The following VOPP1 variants were observed in gnomAD, a reference collection of about 807,000 sequenced individuals.
VOPP1 encodes the protein WW domain binding protein VOPP1.
Under a neutral mutation model 23.5 loss-of-function variants are expected in VOPP1, and 8 were observed. The ratio of observed to expected loss-of-function variants is 0.34; its 90% CI spans 0.20 to 0.61. The LOEUF is 0.61. Among genes scored for constraint, VOPP1 ranks in the 20% least tolerant of loss-of-function variants. VOPP1 has a pLI of 0.78. For synonymous variants in VOPP1, 83 were observed against 97.3 expected, an observed-to-expected ratio of 0.85 and a Z score of 0.86; for missense variants, 174 against 238.1, an observed-to-expected ratio of 0.73 and a Z score of 1.77.
At chr7:55,450,197 G>C (rs980350528) in intron 4 of VOPP1, among the ~76,000 whole-genome samples, 1 of 152,114 alleles carries the variant, frequency 6.6e-6, no homozygotes, top group Non-Finnish European at 1.5e-5. Context: ...GGCACATTTC[G>C]GGCAGGAGAC....
intron 2 of VOPP1, among the ~76,000 whole-genome samples, chr7:55,511,578 G>A (rs1795073892): frequency 6.6e-6 from 1 of 152,152 alleles, no homozygotes; most frequent in South Asian, 2.1e-4. Flanking sequence ...ACTCCTCAGG[G>A]CAAACCTGCC....
At chr7:55,556,408 A>ATT (rs1356067132) in intron 1 of VOPP1, among the ~76,000 whole-genome samples, 7 of 152,176 alleles carry the variant, frequency 4.6e-5, no homozygotes, top group African/African-American at 1.7e-4. Context: ...CCAAATTTCC[A>ATT]CATTCTATTT....
intron 1 of VOPP1, among the ~76,000 whole-genome samples, chr7:55,528,304 A>C (rs1332671151): frequency 6.6e-6 from 1 of 152,246 alleles, no homozygotes; most frequent in Non-Finnish European, 1.5e-5. Context: ...AATACTGACA[A>C]CTAATTATGT....
At chr7:55,562,187 C>T in intron 1 of VOPP1, 1 of 668,104 alleles carries the variant, frequency 1.5e-6, no homozygotes, top group Admixed American at 2.1e-5. Flanking sequence ...AAGGGCGCTC[C>T]TCCATACTGC....
intron 2 of VOPP1, among the ~76,000 whole-genome samples, chr7:55,501,907 G>GT (rs1263695446): frequency 1.3e-5 from 2 of 152,168 alleles, no homozygotes; most frequent in Non-Finnish European, 2.9e-5. Context: ...ACTCCAGACT[G>GT]TAACAGCTCT....
intron 1 of VOPP1, among the ~76,000 whole-genome samples, chr7:55,538,315 T>C (rs1796928929): frequency 1.3e-5 from 2 of 152,214 alleles, no homozygotes; most frequent in Admixed American, 1.3e-4. Context: ...CTTCTCTAGG[T>C]CCAGGTAAAG....
intron 4 of VOPP1, among the ~76,000 whole-genome samples, chr7:55,485,045 A>T (rs1474856994): frequency 6.6e-6 from 1 of 152,248 alleles, no homozygotes; most frequent in Non-Finnish European, 1.5e-5. Context: ...AAAACTGTGC[A>T]GGGCTTCTTT....
intron 4 of VOPP1, among the ~76,000 whole-genome samples, chr7:55,436,677 C>CGTGTGTGCATGTGCATGCGT (rs1454684004): frequency 6.6e-6 from 1 of 151,006 alleles, no homozygotes; most frequent in African/African-American, 2.4e-5. Context: ...CGTGCGTGTG[C>CGTGTGTGCATGTGCATGCGT]GTGTGTGCAT....
Position 55,487,943 on chromosome 7 carries a change from A to C in VOPP1, c.328+4339T>G, listed in dbSNP as rs184304420. On this transcript the variant is annotated intron_variant, in intron 4 of 4. Transcript: ENST00000285279. ...TTTTACATTTTCTCCACCGTTCTAC[A>C]GTTCCTAAAGAGCAGGGAGGATTCT... Among the ~76,000 whole-genome samples the C allele has an allele frequency of 1.6e-3, 239 of 152,310 alleles. 1 individual carries two copies. Among genetic ancestry groups the C allele is most frequent in the South Asian group, 4.3e-3 (21 of 4,830 alleles).
At chr7:55,542,154 T>A (rs1797160742) in intron 1 of VOPP1, among the ~76,000 whole-genome samples, 1 of 152,222 alleles carries the variant, frequency 6.6e-6, no homozygotes, top group African/African-American at 2.4e-5. Context: ...TAGTTGTACA[T>A]ATTTATGGGC....
chr7:55,487,515 A>G (rs1486310365), intron 4 of VOPP1, among the ~76,000 whole-genome samples: 1 of 152,182 alleles, frequency 6.6e-6, no homozygotes, highest in Non-Finnish European at 1.5e-5. Flanking sequence ...GGCTATTCAC[A>G]GGCTTAATCA....
intron 4 of VOPP1, among the ~76,000 whole-genome samples, chr7:55,455,969 A>G (rs1455631456): frequency 6.6e-6 from 1 of 152,212 alleles, no homozygotes; most frequent in Admixed American, 6.5e-5. Context: ...TAATTAAACT[A>G]AAGAGCTTCT....
At chr7:55,498,305 T>C (rs957828015) in intron 2 of VOPP1, among the ~76,000 whole-genome samples, 5 of 152,228 alleles carry the variant, frequency 3.3e-5, no homozygotes, top group South Asian at 2.1e-4. Flanking sequence ...AAAGTGCTGA[T>C]GGCACTATCA....
intron 4 of VOPP1, among the ~76,000 whole-genome samples, chr7:55,486,347 A>G (rs1422968345): frequency 6.6e-6 from 1 of 152,244 alleles, no homozygotes; most frequent in African/African-American, 2.4e-5. Context: ...CATGGATAAA[A>G]AAACAGCTGC....
intron 1 of VOPP1, among the ~76,000 whole-genome samples, chr7:55,547,786 C>T (rs970077734): frequency 2.6e-5 from 4 of 152,158 alleles, no homozygotes; most frequent in African/African-American, 9.7e-5. Flanking sequence ...TTCCCTCTTC[C>T]CCGCCATATC....
intron 2 of VOPP1, among the ~76,000 whole-genome samples, chr7:55,507,251 G>T (rs1368544809): frequency 6.6e-6 from 1 of 152,172 alleles, no homozygotes; most frequent in Admixed American, 6.5e-5. Context: ...GTGCCTGCTG[G>T]CTGGGACACA....
At chr7:55,435,143 A>T (rs1226704236), downstream of VOPP1, among the ~76,000 whole-genome samples, 2 of 152,132 alleles carry the variant, frequency 1.3e-5, no homozygotes. Context: ...TGGATGTGTA[A>T]TGTGGATGGG....
At chr7:55,503,257 G>A (rs569940003) in intron 2 of VOPP1, among the ~76,000 whole-genome samples, 2 of 152,342 alleles carry the variant, frequency 1.3e-5, no homozygotes, top group Middle Eastern at 3.4e-3. Flanking sequence ...ATGTCTGAGA[G>A]TCTACGGGCC....
downstream of VOPP1, among the ~76,000 whole-genome samples, chr7:55,468,344 T>C (rs1444098357): frequency 6.8e-6 from 1 of 146,878 alleles, no homozygotes; most frequent in East Asian, 2.0e-4. Flanking sequence ...GAGGAGAACA[T>C]GATGGGGCCT....
Sources: gnomAD v4.1 joint callset for allele counts (sites outside exome capture counted in the v4.1 genomes callset) on GRCh38, gnomAD v4.1.1 for gene constraint, MANE v1.5 for transcripts, NCBI Gene and HGNC (gene_info 2026-07-23, HGNC 2026-07-21) for gene names.